MTMR9: variants seen among roughly 807,000 people sequenced by gnomAD.
MTMR9 encodes the protein myotubularin related protein 9, also known as myotubularin-related protein 9.
In MTMR9, 39 loss-of-function variants were observed where a neutral mutation model predicts 69.5. That is an observed-to-expected ratio of 0.56 (90% CI 0.43 to 0.73). The LOEUF is 0.73. Among genes scored for constraint, MTMR9 ranks in the 30% least tolerant of loss-of-function variants. MTMR9 has a pLI of 0.00. For missense variants in MTMR9, 900 were observed against 671.2 expected, an observed-to-expected ratio of 1.34 and a Z score of -3.77; for synonymous variants, 354 against 240.8, an observed-to-expected ratio of 1.47 and a Z score of -4.35.
chr8:11,307,993 G>C (rs1800029902), intron 5 of MTMR9, among the ~76,000 whole-genome samples: 2 of 152,096 alleles, frequency 1.3e-5, no homozygotes, highest in Non-Finnish European at 2.9e-5. Flanking sequence ...CCATTCCATA[G>C]GTTGTCTCTT....
rs139333997 is a variant in MTMR9 at position 11,286,432 on chromosome 8, A to G, written c.182+1362A>G. The stretch of plus-strand genomic sequence containing the variant: ...GTAATCCCAGCACTTTGGGAGGCCA[A>G]GGTGAGCGGATCACCTGAGGTTAGG... On this transcript the variant is annotated intron_variant, in intron 1 of 9. Transcript: ENST00000221086. 4.0e-3 allele frequency among the ~76,000 whole-genome samples: 600 copies of G among 151,792 alleles called. 6 individuals are homozygous for G. The highest frequency in any genetic ancestry group is 0.013 in the African/African-American group (542 of 41,420).
the MTMR9 span, among the ~76,000 whole-genome samples, chr8:11,334,627 T>C: frequency 2.0e-5 from 3 of 151,946 alleles, no homozygotes; most frequent in South Asian, 2.1e-4. Context: ...TAACAAAACA[T>C]ACAGAAAAGA....
intron 2 of MTMR9, among the ~76,000 whole-genome samples, chr8:11,297,743 C>G (rs1311004157): frequency 1.3e-5 from 2 of 152,082 alleles, no homozygotes; most frequent in East Asian, 3.9e-4. Flanking sequence ...TTTTAAAACT[C>G]TTTAGAAACT....
At chr8:11,309,304 C>G (rs75865295) in intron 5 of MTMR9, among the ~76,000 whole-genome samples, 3,239 of 152,268 alleles carry the variant, frequency 0.021, 107 homozygotes, top group African/African-American at 0.074. Flanking sequence ...TTAATCTGTT[C>G]AGGTAAGGAA....
At chr8:11,322,046 AATT>A (rs1403249814) in intron 9 of MTMR9, among the ~76,000 whole-genome samples, 3 of 152,164 alleles carry the variant, frequency 2.0e-5, no homozygotes, top group Non-Finnish European at 1.5e-5. Flanking sequence ...ATAAAAGGAT[AATT>A]ATTATTATTT....
chr8:11,328,110 A>G lies in MTMR9; in HGVS notation c.*5322A>G, dbSNP rs1030497008. The G allele has an allele frequency of 6.6e-5, 10 of 152,222 alleles. No individual in the cohort carries two copies. In the East Asian group the frequency reaches 1.9e-3, roughly 29 times the overall value. 9.4% of individuals were successfully genotyped at this position (152,222 alleles called of 1,614,324 possible). A position where few individuals can be genotyped will look rare whatever the true frequency, so the allele number is the denominator to read the frequency against. On this transcript the variant is annotated 3_prime_UTR_variant, in exon 10 of 10. Coordinates refer to ENST00000221086, the MANE Select transcript of MTMR9 (RefSeq NM_015458.4). The stretch of plus-strand genomic sequence containing the variant: ...TGTTAAATTTCTATAGACGATGGTA[A>G]TAAAATCTGAATATATTTAAGTGCT...
chr8:11,285,362 T>C (rs1799110861), intron 1 of MTMR9: 1 of 304,486 alleles, frequency 3.3e-6, no homozygotes, highest in Non-Finnish European at 6.1e-6. Context: ...TCTTTATAAA[T>C]TTCTTCTTCT....
At position 11,316,669 on chromosome 8, in the gene MTMR9, C is replaced by T. The variant is rs902810706; in HGVS notation, c.1114-4C>T. On this transcript the variant is annotated splice_region_variant and splice_polypyrimidine_tract_variant and intron_variant, in intron 7 of 9. Coordinates refer to ENST00000221086, the MANE Select transcript of MTMR9 (RefSeq NM_015458.4). ...TGACTGTCACGCCTCCATCTTCCCC[C>T]TAGGCTGGTCACCCATTCCAGCAGC... 55 of 1,590,234 alleles carry T rather than the reference C, an allele frequency of 3.5e-5. No homozygotes were observed. The highest frequency in any genetic ancestry group is 4.5e-5 in the East Asian group (2 of 44,346).
chr8:11,329,817 C>G (rs1231739566), downstream of MTMR9, among the ~76,000 whole-genome samples: 4 of 151,810 alleles, frequency 2.6e-5, no homozygotes, highest in East Asian at 7.8e-4. Flanking sequence ...GCTGCCCAGT[C>G]TGGGAAGTGA....
chr8:11,331,827 C>T, downstream of MTMR9: 2 of 1,611,960 alleles, frequency 1.2e-6, no homozygotes, highest in Non-Finnish European at 1.7e-6. Context: ...CCTCTTTGTG[C>T]TGCAGACCCC....
intron 6 of MTMR9, among the ~76,000 whole-genome samples, chr8:11,312,116 C>T (rs941412323): frequency 1.1e-4 from 17 of 152,022 alleles, no homozygotes; most frequent in African/African-American, 3.6e-4. Context: ...AGGATCACGG[C>T]GCACCGCAGC....
chr8:11,321,854 G>A (rs1472163701), intron 9 of MTMR9, among the ~76,000 whole-genome samples: 1 of 152,188 alleles, frequency 6.6e-6, no homozygotes. Flanking sequence ...ACCCATGGCA[G>A]TTTGGTTTGT....
chr8:11,305,884 G>T (rs1198908929), intron 4 of MTMR9, among the ~76,000 whole-genome samples: 1 of 152,108 alleles, frequency 6.6e-6, no homozygotes, highest in Admixed American at 6.6e-5. Context: ...TTTATTACAG[G>T]TCCAGGTCTA....
At chr8:11,293,321 T>C (rs958868667) in intron 1 of MTMR9, among the ~76,000 whole-genome samples, 11 of 152,340 alleles carry the variant, frequency 7.2e-5, no homozygotes, top group African/African-American at 2.4e-4. Context: ...TATGGTGTGT[T>C]GTATTTTCAG....
chr8:11,284,947 C>T lies in MTMR9; in HGVS notation c.59C>T (p.Pro20Leu), dbSNP rs143537669. Reference protein sequence around the residue: ...PRVDNVVLHRPFYPAVEGTLC... With the variant: ...PRVDNVVLHRLFYPAVEGTLC... Reference sequence around the variant, plus strand: ...GTGGACAATGTGGTGCTGCACCGGCCTTTCTACCCGGCTGTCGAGGGCACC... The same window carrying T: ...GTGGACAATGTGGTGCTGCACCGGCTTTTCTACCCGGCTGTCGAGGGCACC... Residue 20 changes from proline to leucine, a missense_variant, in exon 1 of 10, where the codon CCT becomes CTT. By Grantham distance (98) the Pro-to-Leu change is moderately conservative (BLOSUM62 -3). Transcript: ENST00000221086. 3.7e-6 allele frequency: 6 copies of T among 1,613,850 alleles called. No individual in the cohort carries two copies. Among genetic ancestry groups the T allele is most frequent in the Non-Finnish European group, 5.1e-6 (6 of 1,179,962 alleles).
intron 1 of MTMR9, among the ~76,000 whole-genome samples, chr8:11,287,806 A>G (rs1277795685): frequency 8.5e-6 from 1 of 117,908 alleles, no homozygotes; most frequent in Non-Finnish European, 1.6e-5. Context: ...TACATATTAT[A>G]TAATACATAT....
intron 1 of MTMR9, among the ~76,000 whole-genome samples, chr8:11,291,019 G>A (rs576956512): frequency 3.3e-5 from 5 of 152,140 alleles, no homozygotes; most frequent in African/African-American, 1.2e-4. Context: ...AGAGGTTTTA[G>A]AATCGTCCAC....
chr8:11,304,815 G>T (rs78691807), intron 3 of MTMR9, 26 bp from the exon 4 acceptor site: 6 of 1,608,100 alleles, frequency 3.7e-6, no homozygotes, highest in African/African-American at 2.7e-5. Flanking sequence ...TAGTTGCTTA[G>T]CTTTGAAGTA....
chr8:11,317,001 T>G (rs1800448449), intron 8 of MTMR9, 108 bp downstream of exon 8: 2 of 629,202 alleles, frequency 3.2e-6, no homozygotes, highest in African/African-American at 1.9e-5. Context: ...ATTAAAATTA[T>G]TTATAAAAAG....
Sources: allele counts gnomAD v4.1 joint callset (sites outside exome capture counted in the v4.1 genomes callset), GRCh38; gene constraint gnomAD v4.1.1; transcripts MANE v1.5; gene names NCBI Gene and HGNC (gene_info 2026-07-23, HGNC 2026-07-21).